The following ATL2 variants were observed in gnomAD, a reference collection of about 807,000 sequenced individuals.
The protein encoded by ATL2 is atlastin GTPase 2.
A neutral mutation model predicts 73.9 loss-of-function variants in ATL2; 31 were observed. The observed-to-expected ratio is 0.42, with a 90% confidence interval of 0.32 to 0.57. ATL2 has a LOEUF of 0.57. Among genes scored for constraint, ATL2 ranks in the 20% least tolerant of loss-of-function variants. The probability of loss-of-function intolerance (pLI) is 0.14; values close to 1 mark genes in which losing one functional copy is unlikely to be tolerated. For missense variants in ATL2, 738 were observed against 702.6 expected (o/e 1.05, Z -0.57); for synonymous variants, 291 against 237.5 (o/e 1.23, Z -2.07).
At chr2:38,310,977 C>T (rs1667728389) in intron 7 of ATL2, among the ~76,000 whole-genome samples, 1 of 152,066 alleles carries the variant, frequency 6.6e-6, no homozygotes, top group South Asian at 2.1e-4. Flanking sequence ...AGTAAGCTGC[C>T]TGGAACAGCA....
intron 1 of ATL2, among the ~76,000 whole-genome samples, chr2:38,375,627 CA>C (rs376199618): frequency 6.6e-6 from 1 of 151,862 alleles, no homozygotes; most frequent in African/African-American, 2.4e-5. Flanking sequence ...ACTCTTACCT[CA>C]AAAAAAGGAA....
intron 1 of ATL2, among the ~76,000 whole-genome samples, chr2:38,355,684 T>C (rs926679850): frequency 8.7e-5 from 13 of 149,110 alleles, no homozygotes; most frequent in African/African-American, 2.7e-4. Flanking sequence ...GATAAATGCA[T>C]AGTCACATTT....
intron 9 of ATL2, among the ~76,000 whole-genome samples, chr2:38,303,780 AC>A (rs1291548233): frequency 1.3e-5 from 2 of 152,186 alleles, no homozygotes; most frequent in Non-Finnish European, 2.9e-5. Context: ...AGCAGACTTG[AC>A]CCAAATAAGA....
At chr2:38,352,204 A>G (rs2124439755) in intron 1 of ATL2, among the ~76,000 whole-genome samples, 1 of 151,494 alleles carries the variant, frequency 6.6e-6, no homozygotes. Flanking sequence ...ACAAAGTAGT[A>G]AAAATCACCC....
At chr2:38,361,353 CAAAAAAAAAAA>C (rs921670483) in intron 1 of ATL2, among the ~76,000 whole-genome samples, 3 of 59,790 alleles carry the variant, frequency 5.0e-5, no homozygotes, top group South Asian at 1.4e-3. Context: ...GACTCCGTCT[CAAAAAAAAAAA>C]AAAAAAAAAA....
intron 4 of ATL2, among the ~76,000 whole-genome samples, chr2:38,315,648 T>C (rs10202238): frequency 0.3 from 45,390 of 151,986 alleles, 6,958 homozygotes; most frequent in Non-Finnish European, 0.34. Flanking sequence ...CTCTAAGCTC[T>C]TTAATGTTAA....
intron 2 of ATL2, among the ~76,000 whole-genome samples, chr2:38,331,992 A>C (rs1384260875): frequency 6.6e-6 from 1 of 152,244 alleles, no homozygotes; most frequent in Non-Finnish European, 1.5e-5. Flanking sequence ...TTATTCAGCC[A>C]TAAAAAGTAC....
chr2:38,363,882 G>A (rs1297707219), intron 1 of ATL2, among the ~76,000 whole-genome samples: 5 of 152,264 alleles, frequency 3.3e-5, no homozygotes, highest in African/African-American at 1.2e-4. Context: ...GCCCTTTTTG[G>A]ATTATCTAAA....
intron 1 of ATL2, among the ~76,000 whole-genome samples, chr2:38,374,189 G>C (rs750802433): frequency 6.6e-6 from 1 of 152,176 alleles, no homozygotes; most frequent in African/African-American, 2.4e-5. Context: ...ACCGCACTCA[G>C]CCTGCTATCC....
At chr2:38,333,311 TA>T (rs10717893) in intron 2 of ATL2, among the ~76,000 whole-genome samples, 2,947 of 152,182 alleles carry the variant, frequency 0.019, 88 homozygotes, top group African/African-American at 0.068. Flanking sequence ...AATAATTTTT[TA>T]AAAAATGTAC....
At chr2:38,312,240 C>T (rs1206822622) in intron 7 of ATL2, among the ~76,000 whole-genome samples, 8 of 152,170 alleles carry the variant, frequency 5.3e-5, no homozygotes, top group Non-Finnish European at 8.8e-5. Flanking sequence ...CCACCCAAAT[C>T]TCATCTCAAA....
At chr2:38,360,259 C>CTTTTTTTTTTT (rs566192942) in intron 1 of ATL2, among the ~76,000 whole-genome samples, 131 of 135,384 alleles carry the variant, frequency 9.7e-4, no homozygotes, top group East Asian at 4.2e-3. Context: ...TCAGGGGATT[C>CTTTTTTTTTTT]TTTTTTTTTT....
intron 1 of ATL2, among the ~76,000 whole-genome samples, chr2:38,367,594 C>CAAAAAAAA (rs367909549): frequency 1.9e-5 from 1 of 52,498 alleles, no homozygotes; most frequent in Non-Finnish European, 3.3e-5. Context: ...GAATCCATCT[C>CAAAAAAAA]AAAAAAAAAA....
intron 9 of ATL2, among the ~76,000 whole-genome samples, chr2:38,300,784 G>A (rs965900385): frequency 3.3e-5 from 5 of 151,118 alleles, no homozygotes; most frequent in African/African-American, 1.2e-4. Flanking sequence ...CCAAGTGGCT[G>A]AAACTACAAG....
chr2:38,358,009 C>G (rs1460514374), intron 1 of ATL2, among the ~76,000 whole-genome samples: 1 of 152,132 alleles, frequency 6.6e-6, no homozygotes, highest in Admixed American at 6.5e-5. Flanking sequence ...AACATGAATA[C>G]ACATCACCTG....
Position 38,295,973 on chromosome 2 carries a change from A to G in ATL2, c.*21T>C. ...CAAGCATGAAAAAAAAAGAGAGTGG[A>G]GTCCGTGAGGAGATGAACTGTCAGT... On this transcript the variant is annotated 3_prime_UTR_variant, in exon 13 of 13. Transcript: ENST00000378954. 6.7e-7 allele frequency: 1 copy of G among 1,501,776 alleles called. No individual in the cohort carries two copies. Among genetic ancestry groups the G allele is most frequent in the Non-Finnish European group, 9.0e-7 (1 of 1,109,066 alleles). 93.0% of individuals were successfully genotyped at this position (1,501,776 alleles called of 1,614,324 possible).
In ATL2 at chr2:38,318,991, T is replaced by A; in HGVS notation, c.392A>T (p.Asn131Ile). Residue 131 changes from asparagine to isoleucine, a missense_variant, in exon 3 of 13, where the codon AAT (asparagine) becomes ATT (isoleucine). By Grantham distance (149) the Asn-to-Ile change is moderately radical (BLOSUM62 -3). Transcript: ENST00000378954. ...CCATGTAAAGCCTGTCAATGGTTCA[T>A]TGTTTCCACCAATCCAACTTTGAGA... ...KDSQSWIGGN[N>I]EPLTGFTWRG... 1 of 1,613,980 alleles carries A rather than the reference T, an allele frequency of 6.2e-7. No individual in the cohort carries two copies. Among genetic ancestry groups the A allele is most frequent in the Non-Finnish European group, 8.5e-7 (1 of 1,179,926 alleles).
intron 2 of ATL2, among the ~76,000 whole-genome samples, chr2:38,336,103 T>C (rs1042648612): frequency 5.3e-5 from 8 of 152,172 alleles, no homozygotes; most frequent in African/African-American, 1.7e-4. Flanking sequence ...TCCAAATACA[T>C]TTCAGTCTTG....
intron 1 of ATL2, among the ~76,000 whole-genome samples, chr2:38,349,596 A>G (rs1670225469): frequency 6.6e-6 from 1 of 151,614 alleles, no homozygotes; most frequent in Non-Finnish European, 1.5e-5. Flanking sequence ...TGGGTGCAGC[A>G]CACCAGCATG....
Sources: allele counts gnomAD v4.1 joint callset (sites outside exome capture counted in the v4.1 genomes callset), GRCh38; gene constraint gnomAD v4.1.1; transcripts MANE v1.5; gene names NCBI Gene and HGNC (gene_info 2026-07-23, HGNC 2026-07-21).